The following MYH10 variants were observed in gnomAD, a reference collection of about 807,000 sequenced individuals.
MYH10 encodes the protein myosin-10.
A neutral mutation model predicts 257.8 loss-of-function variants in MYH10; 55 were observed. The ratio of observed to expected loss-of-function variants is 0.21; its 90% confidence interval spans 0.17 to 0.27. The LOEUF is 0.27. MYH10 is among the 10% of genes least tolerant of loss of function. The pLI is 1.00. For missense variants in MYH10, 1,631 were observed against 2,500.6 expected (o/e 0.65, Z 7.42); for synonymous variants, 854 against 921.7 (o/e 0.93, Z 1.33).
In MYH10 at chr17:8,480,135, C is replaced by T; in HGVS notation, c.5572G>A (p.Glu1858Lys). The change falls in exon 40 of 43, where the codon GAG becomes AAG. Residue 1858 changes from glutamate to lysine, a missense_variant. Coordinates refer to ENST00000360416, the MANE Select transcript of MYH10 (RefSeq NM_001256012.3). ...TTGGCTTCCTGCTCAAGCTGCTCCT[C>T]CAGCTGCCCAATCTTGGCCTCCAGG... ...SALEAKIGQLEEQLEQEAKER... is the reference protein window; with the variant it reads ...SALEAKIGQLKEQLEQEAKER... 1 of 1,614,222 alleles carries T rather than the reference C, an allele frequency of 6.2e-7. No homozygotes were observed. Among genetic ancestry groups the T allele is most frequent in the Non-Finnish European group, 8.5e-7 (1 of 1,180,036 alleles).
rs766381579 is a variant in MYH10 at position 8,500,955 on chromosome 17, T to C, written c.3615A>G (p.Gln1205=). The change falls in exon 29 of 43, where the codon CAA becomes CAG. Residue 1205 remains glutamine (Q), a synonymous_variant. Coordinates refer to ENST00000360416, the MANE Select transcript of MYH10 (RefSeq NM_001256012.3). The stretch of plus-strand genomic sequence containing the variant: ...GAGCTTTCTTCAGCTCTGCCACTTC[T>C]TGTTCACGTTTTGTACTAGAGAAGG... ...AQQELRTKRE[Q]EVAELKKALE... is the part of the protein sequence containing the mutation. 17 of 1,613,868 alleles carry C rather than the reference T, an allele frequency of 1.1e-5. No individual in the cohort carries two copies. In the East Asian group the frequency reaches 3.6e-4, roughly 34 times the overall value.
intron 31 of MYH10, among the ~76,000 whole-genome samples, chr17:8,494,478 G>A (rs1397846232): frequency 6.6e-6 from 1 of 152,130 alleles, no homozygotes; most frequent in African/African-American, 2.4e-5. Context: ...CATGCATGGG[G>A]TGTGCTTTGG....
intron 1 of MYH10, among the ~76,000 whole-genome samples, chr17:8,629,762 G>A (rs1292763935): frequency 2.0e-5 from 3 of 151,916 alleles, no homozygotes; most frequent in Non-Finnish European, 4.4e-5. Context: ...CGGCCGTCCT[G>A]CTGCAGCGCG....
chr17:8,482,641 G>T (rs1306549852), intron 37 of MYH10, among the ~76,000 whole-genome samples: 1 of 152,234 alleles, frequency 6.6e-6, no homozygotes. Context: ...CCAGATGAAC[G>T]GAGGTGTTTG....
intron 7 of MYH10, chr17:8,561,121 T>C: frequency 1.6e-6 from 1 of 610,622 alleles, no homozygotes; most frequent in East Asian, 2.7e-5. Flanking sequence ...AGCTGGATTG[T>C]AGTTAAGTTT....
chr17:8,509,695 G>T (rs2081194982), intron 25 of MYH10, 117 bp downstream of exon 25: 2 of 1,002,444 alleles, frequency 2.0e-6, no homozygotes, highest in Non-Finnish European at 2.8e-6. Context: ...TTCAGTAAAT[G>T]AACCTAAAAT....
At chr17:8,476,409 T>G (rs1181464085) in intron 42 of MYH10, among the ~76,000 whole-genome samples, 1 of 152,240 alleles carries the variant, frequency 6.6e-6, no homozygotes, top group East Asian at 1.9e-4. Context: ...CCAGATGTGC[T>G]GAAACCTCCG....
At chr17:8,493,662 A>AG in intron 32 of MYH10, 71 bp downstream of exon 32, 1 of 1,508,418 alleles carries the variant, frequency 6.6e-7, no homozygotes, top group Non-Finnish European at 8.9e-7. Flanking sequence ...GAGACAGCCC[A>AG]GCACAGCAGG....
chr17:8,519,715 C>G (rs1364226847), intron 19 of MYH10, among the ~76,000 whole-genome samples: 2 of 151,996 alleles, frequency 1.3e-5, no homozygotes, highest in Admixed American at 6.6e-5. Context: ...CTATCTGGAA[C>G]AGTGGGAGAA....
At chr17:8,515,431 G>A (rs1367912973) in intron 21 of MYH10, among the ~76,000 whole-genome samples, 1 of 150,954 alleles carries the variant, frequency 6.6e-6, no homozygotes, top group African/African-American at 2.4e-5. Flanking sequence ...CTCCTTGCTG[G>A]TTAGAATTTT....
intron 2 of MYH10, among the ~76,000 whole-genome samples, chr17:8,609,103 G>A (rs1227709330): frequency 6.6e-6 from 1 of 152,294 alleles, no homozygotes; most frequent in South Asian, 2.1e-4. Flanking sequence ...GAGCCACCGC[G>A]CCCAGCCGAT....
At chr17:8,614,230 G>T (rs2085155034) in intron 2 of MYH10, among the ~76,000 whole-genome samples, 1 of 150,128 alleles carries the variant, frequency 6.7e-6, no homozygotes, top group African/African-American at 2.5e-5. Flanking sequence ...CATGTTATTT[G>T]ACCAAGGGGG....
At chr17:8,590,992 T>G (rs1461648902) in intron 3 of MYH10, among the ~76,000 whole-genome samples, 1 of 147,234 alleles carries the variant, frequency 6.8e-6, no homozygotes, top group Non-Finnish European at 1.5e-5. Context: ...CCTGCCTCAG[T>G]CTCCTGAGTA....
At chr17:8,620,683 T>A (rs1452841154) in intron 2 of MYH10, among the ~76,000 whole-genome samples, 1 of 152,152 alleles carries the variant, frequency 6.6e-6, no homozygotes. Flanking sequence ...CAAAGCCCAA[T>A]ACATATTTAT....
intron 3 of MYH10, among the ~76,000 whole-genome samples, chr17:8,596,375 CG>C (rs1307859601): frequency 2.0e-5 from 3 of 151,928 alleles, no homozygotes; most frequent in Non-Finnish European, 4.4e-5. Context: ...AGGCTGGTCT[CG>C]ACTCCTGACC....
intron 6 of MYH10, among the ~76,000 whole-genome samples, chr17:8,571,510 C>T (rs894978460): frequency 1.3e-5 from 2 of 152,080 alleles, no homozygotes; most frequent in East Asian, 1.9e-4. Context: ...GGGCCAGGCG[C>T]GGTGGCTTAT....
intron 24 of MYH10, among the ~76,000 whole-genome samples, chr17:8,510,568 G>A (rs2081235584): frequency 6.6e-6 from 1 of 152,052 alleles, no homozygotes; most frequent in African/African-American, 2.4e-5. Flanking sequence ...GCTACAAAAA[G>A]GTCTTGGTAA....
chr17:8,587,667 C>T (rs1485424019), intron 4 of MYH10, among the ~76,000 whole-genome samples: 1 of 152,064 alleles, frequency 6.6e-6, no homozygotes, highest in East Asian at 1.9e-4. Flanking sequence ...TCTCTCAATT[C>T]TCCTTCCTGC....
intron 3 of MYH10, among the ~76,000 whole-genome samples, chr17:8,599,969 C>T (rs1448232658): frequency 1.3e-5 from 2 of 152,110 alleles, no homozygotes; most frequent in Non-Finnish European, 2.9e-5. Flanking sequence ...AGTAGAGGGG[C>T]AAGGAGGGAC....
Sources: gnomAD v4.1 joint callset for allele counts (sites outside exome capture counted in the v4.1 genomes callset) on GRCh38, gnomAD v4.1.1 for gene constraint, MANE v1.5 for transcripts, NCBI Gene and HGNC (gene_info 2026-07-23, HGNC 2026-07-21) for gene names.